TEAD1: variants seen among roughly 807,000 people sequenced by gnomAD.
TEAD1 encodes the protein transcriptional enhancer factor TEF-1.
A neutral mutation model predicts 54.9 loss-of-function variants in TEAD1; 9 were observed. The observed-to-expected ratio is 0.16, with a 90% CI of 0.10 to 0.29. TEAD1 has a LOEUF of 0.29. Among genes scored for constraint, TEAD1 ranks in the 10% least tolerant of loss-of-function variants. TEAD1 has a pLI of 1.00. For missense variants in TEAD1, 387 were observed against 535.9 expected (o/e 0.72, Z 2.74); for synonymous variants, 200 against 187.8 (o/e 1.07, Z -0.53).
intron 10 of TEAD1, chr11:12,922,586 G>A (rs1338484240): frequency 1.3e-5 from 2 of 152,084 alleles, no homozygotes; most frequent in Non-Finnish European, 2.9e-5. Flanking sequence ...TGATGACTCA[G>A]GTCTTAGTGG....
chr11:12,704,948 G>A (rs1943783355), intron 2 of TEAD1, among the ~76,000 whole-genome samples: 4 of 152,230 alleles, frequency 2.6e-5, no homozygotes. Context: ...TACACCGTGT[G>A]TATGCCCAAC....
At chr11:12,728,414 A>G (rs1944354911) in intron 2 of TEAD1, among the ~76,000 whole-genome samples, 1 of 152,204 alleles carries the variant, frequency 6.6e-6, no homozygotes, top group Non-Finnish European at 1.5e-5. Context: ...TAGCACACAG[A>G]TAGCCCTCCC....
In TEAD1 at chr11:12,758,349, T is replaced by G. The variant is rs972432615; in HGVS notation, c.-54-5830T>G. Among the ~76,000 whole-genome samples the G allele has an allele frequency of 5.3e-5, 8 of 149,798 alleles. No individual in the cohort carries two copies. In the East Asian group the frequency reaches 1.6e-3, roughly 30 times the overall value. On this transcript the variant is annotated intron_variant, in intron 2 of 12. Transcript: ENST00000527636. Reference sequence around the variant, plus strand: ...TCCGCCTCCTGGGTTTGAGTAATCCTCCTGCCTCAGCCTCCTGAGCAGCTG... The same window carrying G: ...TCCGCCTCCTGGGTTTGAGTAATCCGCCTGCCTCAGCCTCCTGAGCAGCTG...
chr11:12,919,774 A>G (rs2134155041), intron 10 of TEAD1, among the ~76,000 whole-genome samples: 1 of 152,344 alleles, frequency 6.6e-6, no homozygotes, highest in African/African-American at 2.4e-5. Context: ...TGCTGGGATT[A>G]TAGGTGTGAG....
intron 11 of TEAD1, among the ~76,000 whole-genome samples, chr11:12,929,068 A>G (rs1948959908): frequency 6.6e-6 from 1 of 151,670 alleles, no homozygotes; most frequent in Admixed American, 6.6e-5. Context: ...TGACTGATCT[A>G]TTTGTTGACA....
chr11:12,932,859 G>A (rs1440742992), intron 12 of TEAD1, among the ~76,000 whole-genome samples: 1 of 152,052 alleles, frequency 6.6e-6, no homozygotes, highest in Non-Finnish European at 1.5e-5. Context: ...CATGGTAAGT[G>A]CCCTATATAG....
At chr11:12,758,260 T>G (rs1945025097) in intron 2 of TEAD1, among the ~76,000 whole-genome samples, 1 of 149,154 alleles carries the variant, frequency 6.7e-6, no homozygotes, top group Non-Finnish European at 1.5e-5. Flanking sequence ...TTTTTTTTTG[T>G]GATGGAGTCT....
At chr11:12,911,398 G>A (rs570106405) in intron 10 of TEAD1, among the ~76,000 whole-genome samples, 45 of 152,270 alleles carry the variant, frequency 3.0e-4, no homozygotes, top group African/African-American at 7.7e-4. Flanking sequence ...GGAACCAAAC[G>A]TCCTGTTGCT....
At position 12,715,951 on chromosome 11, in the gene TEAD1, G is replaced by A. The variant is rs530993146; in HGVS notation, c.-55+40390G>A. ...GGGGGAAAGACCAACAAGAACAATC[G>A]TAATTCATTTTTTTACAGTAAAAAT... On this transcript the variant is annotated intron_variant, in intron 2 of 12. Coordinates refer to ENST00000527636, the MANE Select transcript of TEAD1 (RefSeq NM_021961.6). Among the ~76,000 whole-genome samples the A allele has an allele frequency of 7.9e-5, 12 of 152,112 alleles. No homozygotes were observed. In the South Asian group the frequency reaches 2.1e-3, roughly 26 times the overall value.
intron 3 of TEAD1, among the ~76,000 whole-genome samples, chr11:12,822,060 T>C (rs574008228): frequency 3.5e-5 from 5 of 142,620 alleles, no homozygotes; most frequent in South Asian, 2.4e-4. Context: ...GCCTCCCAGG[T>C]TCACACCATT....
chr11:12,824,607 A>C (rs1391117929), intron 3 of TEAD1, among the ~76,000 whole-genome samples: 1 of 152,214 alleles, frequency 6.6e-6, no homozygotes, highest in African/African-American at 2.4e-5. Flanking sequence ...TTGTGTGAAA[A>C]TTGCTGAGTG....
rs139548186 is a variant in TEAD1 at position 12,912,354 on chromosome 11, G to A, written c.873+10241G>A. On this transcript the variant is annotated intron_variant, in intron 10 of 12. Coordinates refer to ENST00000527636, the MANE Select transcript of TEAD1 (RefSeq NM_021961.6). ...GGGCAGAAGTTGCTGTGGAAGCACA[G>A]AGGTGGAACCCTTTTTGCCTGAGAA... 9.0e-4 allele frequency among the ~76,000 whole-genome samples: 137 copies of A among 152,190 alleles called. No homozygotes were observed. The East Asian group carries it at 0.021, about 23-fold the overall frequency.
intron 10 of TEAD1, among the ~76,000 whole-genome samples, chr11:12,906,172 CTGTT>C (rs1450035815): frequency 6.6e-6 from 1 of 152,074 alleles, no homozygotes; most frequent in African/African-American, 2.4e-5. Flanking sequence ...GTATGAATGG[CTGTT>C]TATCTGTTAA....
At chr11:12,834,847 C>T in intron 3 of TEAD1, among the ~76,000 whole-genome samples, 1 of 151,552 alleles carries the variant, frequency 6.6e-6, no homozygotes, top group African/African-American at 2.4e-5. Flanking sequence ...AAATTCTTGG[C>T]CTCAAGCTAT....
intron 5 of TEAD1, among the ~76,000 whole-genome samples, chr11:12,872,352 T>G (rs1431563755): frequency 6.6e-6 from 1 of 152,232 alleles, no homozygotes; most frequent in Non-Finnish European, 1.5e-5. Context: ...TTTGTCTGTG[T>G]CCACACCAAG....
intron 2 of TEAD1, among the ~76,000 whole-genome samples, chr11:12,701,621 C>A (rs970507404): frequency 1.3e-5 from 2 of 151,880 alleles, no homozygotes; most frequent in African/African-American, 4.8e-5. Context: ...TCATTGTTTG[C>A]GAGTGTCTGT....
At chr11:12,738,176 A>T (rs1465797915) in intron 2 of TEAD1, among the ~76,000 whole-genome samples, 1 of 152,144 alleles carries the variant, frequency 6.6e-6, no homozygotes, top group African/African-American at 2.4e-5. Context: ...ACCATATCAG[A>T]TGGTTAAGTA....
chr11:12,857,136 G>A (rs1328616132), intron 3 of TEAD1, among the ~76,000 whole-genome samples: 2 of 152,118 alleles, frequency 1.3e-5, no homozygotes, highest in African/African-American at 4.8e-5. Flanking sequence ...AAATTCCATG[G>A]CAATCCAAGA....
At chr11:12,736,532 T>G (rs1380041201) in intron 2 of TEAD1, among the ~76,000 whole-genome samples, 2 of 152,202 alleles carry the variant, frequency 1.3e-5, no homozygotes, top group Non-Finnish European at 1.5e-5. Context: ...TATTAGTGAT[T>G]GTCTTTAAAT....
Sources: gnomAD v4.1 joint callset for allele counts (sites outside exome capture counted in the v4.1 genomes callset) on GRCh38, gnomAD v4.1.1 for gene constraint, MANE v1.5 for transcripts, NCBI Gene and HGNC (gene_info 2026-07-23, HGNC 2026-07-21) for gene names.